Variants in CDH18 observed in about 807,000 individuals in gnomAD.
CDH18 encodes cadherin-18.
CDH18 carries 31 observed loss-of-function variants against 67.9 expected under a neutral mutation model. The observed-to-expected ratio is 0.46, with a 90% confidence interval of 0.34 to 0.62. The LOEUF is 0.62. CDH18 is among the 20% of genes least tolerant of loss of function. The pLI, the probability that CDH18 is intolerant of heterozygous loss-of-function variation, is 0.01. For missense variants in CDH18, 890 were observed against 975.5 expected (o/e 0.91, Z 1.17); for synonymous variants, 362 against 347.2 (o/e 1.04, Z -0.48).
At chr5:19,683,800 C>A (rs1474275419) in intron 5 of CDH18, among the ~76,000 whole-genome samples, 2 of 152,114 alleles carry the variant, frequency 1.3e-5, no homozygotes, top group Admixed American at 6.6e-5. Flanking sequence ...TAGGCACATT[C>A]TTTAATCTTC....
At chr5:19,788,116 G>A (rs1262028950) in intron 3 of CDH18, among the ~76,000 whole-genome samples, 1 of 152,054 alleles carries the variant, frequency 6.6e-6, no homozygotes, top group Non-Finnish European at 1.5e-5. Context: ...ATAATAGGGT[G>A]TGAATAAGCA....
intron 1 of CDH18, among the ~76,000 whole-genome samples, chr5:20,563,675 C>G (rs1758344378): frequency 1.3e-5 from 2 of 152,000 alleles, no homozygotes; most frequent in East Asian, 3.9e-4. Context: ...AGTTCAGGTA[C>G]CCATTCACAG....
At chr5:20,141,819 G>A (rs1054975219) in intron 2 of CDH18, among the ~76,000 whole-genome samples, 20 of 151,952 alleles carry the variant, frequency 1.3e-4, no homozygotes, top group Non-Finnish European at 2.1e-4. Flanking sequence ...AAAAGAAAGT[G>A]TAATGCCATC....
At chr5:19,858,196 G>A (rs948118438) in intron 2 of CDH18, among the ~76,000 whole-genome samples, 1 of 134,938 alleles carries the variant, frequency 7.4e-6, no homozygotes, top group Non-Finnish European at 1.7e-5. Flanking sequence ...GGGCTTCCAG[G>A]TCCTAAGCAG....
chr5:20,272,895 C>G (rs1445755734), intron 1 of CDH18, among the ~76,000 whole-genome samples: 1 of 151,988 alleles, frequency 6.6e-6, no homozygotes, highest in African/African-American at 2.4e-5. Flanking sequence ...TCCATACTCC[C>G]TAATGTGAAA....
intron 2 of CDH18, among the ~76,000 whole-genome samples, chr5:20,178,572 GTTTC>G (rs200387560): frequency 2.3e-4 from 34 of 149,788 alleles, no homozygotes; most frequent in South Asian, 6.3e-4. Context: ...TGTAAATAGA[GTTTC>G]TTTCTTTCTT....
At chr5:20,174,840 G>A (rs936147810) in intron 2 of CDH18, among the ~76,000 whole-genome samples, 12 of 151,818 alleles carry the variant, frequency 7.9e-5, no homozygotes, top group African/African-American at 2.4e-4. Context: ...GCTTAGAGAC[G>A]GTTTTCATAT....
At chr5:19,795,733 G>T (rs928923520) in intron 3 of CDH18, among the ~76,000 whole-genome samples, 12 of 151,396 alleles carry the variant, frequency 7.9e-5, no homozygotes, top group African/African-American at 2.9e-4. Flanking sequence ...TAACTTAAAT[G>T]AAAAAAAATA....
chr5:20,486,688 T>C (rs1366875413), intron 1 of CDH18, among the ~76,000 whole-genome samples: 3 of 150,060 alleles, frequency 2.0e-5, no homozygotes, highest in Non-Finnish European at 4.4e-5. Context: ...TTTGTATATA[T>C]ATATATATAT....
chr5:19,571,977 G>A (rs190968695), intron 7 of CDH18, 145 bp from the exon 8 acceptor site: 8 of 661,008 alleles, frequency 1.2e-5, no homozygotes, highest in African/African-American at 9.1e-5. Context: ...GTTCTAAAAC[G>A]AACTATGAAG....
At chr5:20,157,787 C>G (rs775874160) in intron 2 of CDH18, among the ~76,000 whole-genome samples, 2 of 151,634 alleles carry the variant, frequency 1.3e-5, no homozygotes, top group Non-Finnish European at 2.9e-5. Flanking sequence ...GACTACAGGC[C>G]CACACCACCA....
intron 2 of CDH18, among the ~76,000 whole-genome samples, chr5:19,979,303 A>G (rs926538330): frequency 1.3e-5 from 2 of 151,838 alleles, no homozygotes; most frequent in Non-Finnish European, 2.9e-5. Flanking sequence ...ATTCGTATGA[A>G]CAATGCTGAA....
At chr5:20,407,891 C>T in intron 1 of CDH18, among the ~76,000 whole-genome samples, 1 of 151,876 alleles carries the variant, frequency 6.6e-6, no homozygotes, top group Admixed American at 6.6e-5. Context: ...AAATGAACAT[C>T]TAATTCAGAA....
chr5:20,081,607 C>A (rs1055955485), intron 2 of CDH18, among the ~76,000 whole-genome samples: 2 of 152,036 alleles, frequency 1.3e-5, no homozygotes, highest in Non-Finnish European at 2.9e-5. Flanking sequence ...CCACAGAATA[C>A]CATGAAGACA....
At chr5:19,501,725 T>G (rs1743282937) in intron 11 of CDH18, among the ~76,000 whole-genome samples, 1 of 152,094 alleles carries the variant, frequency 6.6e-6, no homozygotes, top group Non-Finnish European at 1.5e-5. Context: ...AACTGAAACA[T>G]AAGTACATGG....
At chr5:19,590,510 A>ATAGATAGATAGATAGG in intron 7 of CDH18, among the ~76,000 whole-genome samples, 1 of 149,580 alleles carries the variant, frequency 6.7e-6, no homozygotes, top group East Asian at 2.2e-4. Flanking sequence ...AGATAGATAG[A>ATAGATAGATAGATAGG]CAGACAGACA....
chr5:19,864,322 G>C lies in CDH18; in HGVS notation c.-256-25080C>G, dbSNP rs1785227780. Among the ~76,000 whole-genome samples the C allele has an allele frequency of 4.2e-5, 6 of 142,738 alleles. No individual in the cohort carries two copies. The South Asian group carries it at 1.4e-3, about 33-fold the overall frequency. 93.6% of individuals were successfully genotyped at this position (142,738 alleles called of 152,430 possible). On this transcript the variant is annotated intron_variant, in intron 2 of 12. Coordinates refer to ENST00000382275, the MANE Select transcript of CDH18 (RefSeq NM_004934.5). ...ATGTTCTCACTCATAGGTGGGAATT[G>C]AACAATGAGAACACATGGACACAGG... is the stretch of plus-strand genomic sequence containing the variant.
intron 1 of CDH18, among the ~76,000 whole-genome samples, chr5:20,480,991 C>G (rs986616658): frequency 6.6e-6 from 1 of 151,940 alleles, no homozygotes. Flanking sequence ...GAAGCCTTCA[C>G]TTAATAATAG....
At chr5:19,543,790 G>A in intron 9 of CDH18, 79 bp downstream of exon 9, 1 of 979,274 alleles carries the variant, frequency 1.0e-6, no homozygotes, top group Non-Finnish European at 1.5e-6. Context: ...AAGATTATGA[G>A]AGCCCTGCTC....
Sources: gnomAD v4.1 joint callset for allele counts (sites outside exome capture counted in the v4.1 genomes callset) on GRCh38, gnomAD v4.1.1 for gene constraint, MANE v1.5 for transcripts, NCBI Gene and HGNC (gene_info 2026-07-23, HGNC 2026-07-21) for gene names.